NRXN3: variants seen among roughly 807,000 people sequenced by gnomAD.
NRXN3 encodes the protein neurexin 3, also known as neurexin III.
Under a neutral mutation model 137.6 loss-of-function variants are expected in NRXN3, and 32 were observed. That is an observed-to-expected ratio of 0.23 (90% CI 0.18 to 0.31). NRXN3 has a LOEUF of 0.31. Ranked by LOEUF, NRXN3 falls within the 10% of genes least tolerant of loss-of-function variation. NRXN3 has a pLI of 1.00. For synonymous variants in NRXN3, 798 were observed against 784.5 expected (o/e 1.02, Z -0.29); for missense variants, 1,574 against 2,062.5 (o/e 0.76, Z 4.59).
At chr14:78,542,869 C>T (rs1204684683) in intron 4 of NRXN3, among the ~76,000 whole-genome samples, 2 of 152,108 alleles carry the variant, frequency 1.3e-5, no homozygotes, top group South Asian at 2.1e-4. Context: ...TTCTAAATAC[C>T]TGTTGGAGTG....
At chr14:78,957,880 A>C (rs572312264) in intron 11 of NRXN3, among the ~76,000 whole-genome samples, 2 of 152,356 alleles carry the variant, frequency 1.3e-5, no homozygotes, top group South Asian at 2.1e-4. Context: ...TCTATTCTGC[A>C]CTACACACCA....
chr14:79,803,814 A>G (rs907152094), intron 19 of NRXN3, among the ~76,000 whole-genome samples: 2 of 151,596 alleles, frequency 1.3e-5, no homozygotes, highest in Non-Finnish European at 2.9e-5. Flanking sequence ...TGCAATTCTA[A>G]TTAGTCATGT....
intron 16 of NRXN3, among the ~76,000 whole-genome samples, chr14:79,540,427 G>A (rs1002576970): frequency 6.6e-6 from 1 of 152,054 alleles, no homozygotes; most frequent in East Asian, 1.9e-4. Flanking sequence ...CTTCTGGTGA[G>A]AGCATTCAAA....
At chr14:79,526,172 C>T (rs563177720) in intron 16 of NRXN3, among the ~76,000 whole-genome samples, 6 of 152,240 alleles carry the variant, frequency 3.9e-5, no homozygotes, top group African/African-American at 9.6e-5. Context: ...CTCAGCCTCC[C>T]GAGTAGCTGG....
intron 1 of NRXN3, among the ~76,000 whole-genome samples, 165 bp downstream of exon 1, chr14:78,170,839 G>C (rs8004027): frequency 0.23 from 34,426 of 151,988 alleles, 4,074 homozygotes; most frequent in African/African-American, 0.3. Flanking sequence ...GGCTGACTGT[G>C]GAAATGGCTT....
intron 4 of NRXN3, among the ~76,000 whole-genome samples, chr14:78,566,279 T>C (rs989271359): frequency 6.6e-6 from 1 of 152,012 alleles, no homozygotes. Context: ...GAGGCTACTG[T>C]CCTCAGCTCT....
intron 16 of NRXN3, among the ~76,000 whole-genome samples, chr14:79,626,165 A>G (rs896233730): frequency 2.0e-5 from 3 of 152,044 alleles, no homozygotes; most frequent in Non-Finnish European, 4.4e-5. Context: ...TGAATGTACA[A>G]GTGAGTGAAT....
chr14:79,778,627 A>ATAGCC (rs142015660), intron 19 of NRXN3, among the ~76,000 whole-genome samples: 15,877 of 152,156 alleles, frequency 0.1, 945 homozygotes, highest in Middle Eastern at 0.19. Context: ...AACCTCCTGT[A>ATAGCC]TAGCCCCCTT....
chr14:78,455,604 A>G (rs2094677617), intron 4 of NRXN3, among the ~76,000 whole-genome samples: 1 of 152,164 alleles, frequency 6.6e-6, no homozygotes, highest in Non-Finnish European at 1.5e-5. Flanking sequence ...TAGTATTGCC[A>G]TTTGTACAGC....
At chr14:78,812,569 C>T (rs1330776576) in intron 10 of NRXN3, among the ~76,000 whole-genome samples, 1 of 152,130 alleles carries the variant, frequency 6.6e-6, no homozygotes, top group African/African-American at 2.4e-5. Context: ...CATGATCAGC[C>T]ACGGAAAGTC....
At position 79,029,059 on chromosome 14, in the gene NRXN3, G is replaced by A. The variant is rs2099603156; in HGVS notation, c.3262+40918G>A. On this transcript the variant is annotated intron_variant, in intron 15 of 20. Transcript: ENST00000335750. Reference sequence around the variant, plus strand: ...GAAGGCAAGGAAGAAAGCAAGGAAGGAAGAAATAAAGAAAAAGAGAGAGAG... The same window carrying A: ...GAAGGCAAGGAAGAAAGCAAGGAAGAAAGAAATAAAGAAAAAGAGAGAGAG... 2.0e-5 allele frequency among the ~76,000 whole-genome samples: 3 copies of A among 151,702 alleles called. No homozygotes were observed. In the South Asian group the frequency reaches 6.3e-4, roughly 32 times the overall value.
At chr14:78,463,368 C>T (rs2094985604) in intron 4 of NRXN3, among the ~76,000 whole-genome samples, 1 of 126,300 alleles carries the variant, frequency 7.9e-6, no homozygotes, top group South Asian at 2.6e-4. Flanking sequence ...ATATGAGTGC[C>T]AGTGTCTTTT....
chr14:79,496,726 T>C (rs756819630), intron 16 of NRXN3, among the ~76,000 whole-genome samples: 1 of 152,236 alleles, frequency 6.6e-6, no homozygotes, highest in Non-Finnish European at 1.5e-5. Flanking sequence ...GTTTGTTTAC[T>C]AGATTGACTA....
intron 15 of NRXN3, among the ~76,000 whole-genome samples, chr14:79,302,337 TGCA>T (rs1349435347): frequency 6.6e-6 from 1 of 152,002 alleles, no homozygotes; most frequent in African/African-American, 2.4e-5. Flanking sequence ...CTCATGGTTT[TGCA>T]GACTGTACAA....
At chr14:79,553,396 G>A (rs1020104506) in intron 16 of NRXN3, among the ~76,000 whole-genome samples, 1 of 152,066 alleles carries the variant, frequency 6.6e-6, no homozygotes, top group Non-Finnish European at 1.5e-5. Context: ...TTCGCCCAAA[G>A]GCTTACAGCT....
chr14:79,675,781 G>C (rs1426198459), intron 17 of NRXN3, among the ~76,000 whole-genome samples: 1 of 151,950 alleles, frequency 6.6e-6, no homozygotes, highest in Non-Finnish European at 1.5e-5. Flanking sequence ...CAACACCAAA[G>C]ACAGACACAG....
chr14:78,867,632 T>G (rs1021599321), intron 10 of NRXN3, among the ~76,000 whole-genome samples: 1 of 152,182 alleles, frequency 6.6e-6, no homozygotes, highest in African/African-American at 2.4e-5. Context: ...AAGACTATTA[T>G]ATCAGAGGCG....
chr14:78,249,909 C>A (rs1422690503), intron 2 of NRXN3, among the ~76,000 whole-genome samples: 6 of 152,110 alleles, frequency 3.9e-5, no homozygotes, highest in Non-Finnish European at 5.9e-5. Context: ...TTGGGCTTGT[C>A]TACTTACATG....
intron 10 of NRXN3, among the ~76,000 whole-genome samples, chr14:78,883,537 G>A (rs2099135173): frequency 6.6e-6 from 1 of 152,212 alleles, no homozygotes; most frequent in Non-Finnish European, 1.5e-5. Context: ...CATCTAGACT[G>A]TGTGTCAGAT....
Sources: allele counts gnomAD v4.1 joint callset (sites outside exome capture counted in the v4.1 genomes callset), GRCh38; gene constraint gnomAD v4.1.1; transcripts MANE v1.5; gene names NCBI Gene and HGNC (gene_info 2026-07-23, HGNC 2026-07-21).